The following PALLD variants were observed in gnomAD, a reference collection of about 807,000 sequenced individuals.
PALLD encodes the protein palladin.
Under a neutral mutation model 123.5 loss-of-function variants are expected in PALLD, and 61 were observed. The observed-to-expected ratio is 0.49, with a 90% confidence interval of 0.40 to 0.61. PALLD has a LOEUF of 0.61. PALLD is among the 20% of genes least tolerant of loss of function. The pLI is 0.00. For missense variants in PALLD, 1,273 were observed against 1,377.0 expected (o/e 0.92, Z 1.20); for synonymous variants, 465 against 496.4 (o/e 0.94, Z 0.84).
Position 168,921,627 on chromosome 4 carries a change from G to C in PALLD, c.2944G>C (p.Gly982Arg), listed in dbSNP as rs115988233. The C allele has an allele frequency of 6.2e-7, 1 of 1,610,616 alleles. No individual in the cohort carries two copies. Among genetic ancestry groups the C allele is most frequent in the African/African-American group, 1.4e-5 (1 of 73,832 alleles). ...SAHKMLVRENGVHSLIIEPVT... is the reference protein window; with the variant it reads ...SAHKMLVRENRVHSLIIEPVT... ...TCACAAGATGCTGGTGCGTGAGAACGGGGTGCACTCTCTGATCATAGAGCC... is the reference window on the plus strand; with the variant it reads ...TCACAAGATGCTGGTGCGTGAGAACCGGGTGCACTCTCTGATCATAGAGCC... Residue 982 changes from glycine to arginine, a missense_variant, in exon 18 of 22, where the codon GGG (glycine) becomes CGG (arginine). Physicochemically the swap from Gly to Arg is moderately radical, Grantham distance 125. This residue lies in a region of PALLD where 329 missense variants were observed against 422.5 expected (regional missense o/e 0.78). Coordinates refer to ENST00000505667, the MANE Select transcript of PALLD (RefSeq NM_001166108.2).
In PALLD at chr4:168,591,249, C is replaced by T. The variant is rs1055845045; in HGVS notation, c.909-76941C>T. On this transcript the variant is annotated intron_variant, in intron 2 of 21. Transcript: ENST00000505667. The stretch of plus-strand genomic sequence containing the variant: ...CTTCTCTCCAAAAGATTTACTGGAA[C>T]GGTTCCTCCCACTCAATGGTGTTAG... Among the ~76,000 whole-genome samples, 4 of 152,256 alleles carry T rather than the reference C, an allele frequency of 2.6e-5. No homozygotes were observed. The South Asian group carries it at 6.2e-4, about 24-fold the overall frequency.
intron 10 of PALLD, among the ~76,000 whole-genome samples, chr4:168,857,931 T>C (rs1482141567): frequency 1.3e-5 from 2 of 152,250 alleles, no homozygotes; most frequent in Admixed American, 1.3e-4. Flanking sequence ...TGCACCTTAA[T>C]GCTTTCCCTG....
chr4:168,557,366 G>A (rs1043325335), intron 2 of PALLD, among the ~76,000 whole-genome samples: 8 of 152,236 alleles, frequency 5.3e-5, no homozygotes, highest in Non-Finnish European at 1.0e-4. Flanking sequence ...TTCAATATAC[G>A]TTTGCCCTAT....
At chr4:168,568,600 C>A (rs1580354573) in intron 2 of PALLD, among the ~76,000 whole-genome samples, 1 of 152,122 alleles carries the variant, frequency 6.6e-6, no homozygotes, top group Middle Eastern at 3.4e-3. Context: ...AACTTTCATA[C>A]TTATGTGTGC....
chr4:168,618,260 A>G (rs889005496), intron 2 of PALLD, among the ~76,000 whole-genome samples: 1 of 152,218 alleles, frequency 6.6e-6, no homozygotes, highest in Non-Finnish European at 1.5e-5. Flanking sequence ...ATAACAATGT[A>G]GTTATATGTA....
chr4:168,641,543 G>A (rs764797357), intron 2 of PALLD, among the ~76,000 whole-genome samples: 6 of 152,090 alleles, frequency 3.9e-5, no homozygotes, highest in East Asian at 1.9e-4. Flanking sequence ...CCCTGGTTCC[G>A]TCCTGTTTTT....
At chr4:168,519,181 C>T (rs1580095201) in intron 2 of PALLD, among the ~76,000 whole-genome samples, 1 of 152,332 alleles carries the variant, frequency 6.6e-6, no homozygotes, top group East Asian at 1.9e-4. Context: ...CAATTCCAGA[C>T]AGCAGTAACC....
Position 168,608,082 on chromosome 4 carries a change from G to C in PALLD, c.909-60108G>C, listed in dbSNP as rs17054382. Among the ~76,000 whole-genome samples the C allele has an allele frequency of 7.1e-3, 1,082 of 152,300 alleles. 6 individuals carry two copies. Among genetic ancestry groups the C allele is most frequent in the African/African-American group, 0.025 (1,051 of 41,568 alleles). ...TAGGTCCCGTTTTTACAATTCCAAA[G>C]AAGAGACCTTGGTTGGTCCACCTGT... On this transcript the variant is annotated intron_variant, in intron 2 of 21. Transcript: ENST00000505667.
At chr4:168,637,311 G>T (rs959048457) in intron 2 of PALLD, among the ~76,000 whole-genome samples, 3 of 152,060 alleles carry the variant, frequency 2.0e-5, no homozygotes, top group Non-Finnish European at 4.4e-5. Flanking sequence ...TTCTCAGCCG[G>T]CTGGTGTACC....
rs187994665 is a variant in PALLD, at chr4:168,724,128, C to T, written c.1964+12205C>T. Among the ~76,000 whole-genome samples, 563 of 152,204 alleles carry T rather than the reference C, an allele frequency of 3.7e-3. 9 individuals are homozygous for T. Among genetic ancestry groups the T allele is most frequent in the Middle Eastern group, 3.4e-3 (1 of 294 alleles). On this transcript the variant is annotated intron_variant, in intron 10 of 21. Transcript: ENST00000505667. ...CAGGATGGTCTTGATCTCTTGACCT[C>T]GTGTTGAATTGGGTTTTTATTGAAC...
At chr4:168,527,145 C>T (rs901261949) in intron 2 of PALLD, among the ~76,000 whole-genome samples, 12 of 152,064 alleles carry the variant, frequency 7.9e-5, no homozygotes, top group African/African-American at 2.4e-4. Context: ...CGAGGTGACA[C>T]GAGTCATTGT....
chr4:168,877,590 G>A, intron 10 of PALLD: 1 of 252,442 alleles, frequency 4.0e-6, no homozygotes, highest in East Asian at 1.2e-4. Flanking sequence ...GCCTGCTAAC[G>A]TGTGCCCGTT....
At chr4:168,534,327 C>T (rs1166812210) in intron 2 of PALLD, among the ~76,000 whole-genome samples, 2 of 152,188 alleles carry the variant, frequency 1.3e-5, no homozygotes, top group Non-Finnish European at 2.9e-5. Flanking sequence ...ACACCATCAG[C>T]GAACGTGTTC....
At chr4:168,634,736 T>C (rs1776172449) in intron 2 of PALLD, among the ~76,000 whole-genome samples, 1 of 152,194 alleles carries the variant, frequency 6.6e-6, no homozygotes, top group Admixed American at 6.5e-5. Flanking sequence ...AAAAGGAAGG[T>C]TATGGGCATA....
chr4:168,559,078 C>A (rs772536186), intron 2 of PALLD, among the ~76,000 whole-genome samples: 3 of 152,082 alleles, frequency 2.0e-5, no homozygotes, highest in Non-Finnish European at 4.4e-5. Context: ...TTTAACTCAC[C>A]CTGAATTACA....
chr4:168,503,271 A>C (rs1761618383), intron 1 of PALLD, among the ~76,000 whole-genome samples: 1 of 152,240 alleles, frequency 6.6e-6, no homozygotes, highest in Non-Finnish European at 1.5e-5. Context: ...AAGAAGAAGC[A>C]AATTATATTG....
In PALLD at chr4:168,711,727, C is replaced by G. The variant is rs1784856136; in HGVS notation, c.1768C>G (p.Pro590Ala). 2 of 1,614,136 alleles carry G rather than the reference C, an allele frequency of 1.2e-6. No homozygotes were observed. The highest frequency in any genetic ancestry group is 1.7e-6 in the Non-Finnish European group (2 of 1,180,028). The change falls in exon 10 of 22, where the codon CCT (proline) becomes GCT (alanine). Residue 590 changes from proline to alanine, a missense_variant. By Grantham distance (27) the Pro-to-Ala change is conservative. Transcript: ENST00000505667. ...ATCTGAGATCCAGCAGGTGAACAAC[C>G]CTGAGTTAGGCCTGAGCAGGGCAGC... ...KPSEIQQVNNPELGLSRAALQ... is the reference protein window; with the variant it reads ...KPSEIQQVNNAELGLSRAALQ...
At chr4:168,890,752 AC>A (rs1754038809) in intron 10 of PALLD, among the ~76,000 whole-genome samples, 169 bp from the exon 11 acceptor site, 1 of 152,196 alleles carries the variant, frequency 6.6e-6, no homozygotes, top group African/African-American at 2.4e-5. Context: ...AATTAGTGTT[AC>A]CTGAACCAGC....
intron 10 of PALLD, among the ~76,000 whole-genome samples, chr4:168,883,624 T>C (rs974597489): frequency 6.6e-6 from 1 of 152,228 alleles, no homozygotes; most frequent in African/African-American, 2.4e-5. Flanking sequence ...AAGAGACCTC[T>C]TGGGATTTGG....
Sources: gnomAD v4.1 joint callset for allele counts (sites outside exome capture counted in the v4.1 genomes callset) on GRCh38, gnomAD v4.1.1 for gene constraint, gnomAD v4.1.1 regional missense constraint, MANE v1.5 for transcripts, NCBI Gene and HGNC (gene_info 2026-07-23, HGNC 2026-07-21) for gene names.